DCUN1D4: variants seen among roughly 807,000 people sequenced by gnomAD.
The protein encoded by DCUN1D4 is DCN1-like protein 4.
A neutral mutation model predicts 47.9 loss-of-function variants in DCUN1D4; 22 were observed. The observed-to-expected ratio is 0.46, with a 90% CI of 0.33 to 0.66. The LOEUF (loss-of-function observed/expected upper bound fraction) is 0.66. Ranked by LOEUF, DCUN1D4 falls within the 30% of genes least tolerant of loss-of-function variation. The pLI is 0.02. For missense variants in DCUN1D4, 301 were observed against 340.8 expected, an observed-to-expected ratio of 0.88 and a Z score of 0.92; for synonymous variants, 121 against 112.2, an observed-to-expected ratio of 1.08 and a Z score of -0.50.
chr4:51,845,279 G>A lies in DCUN1D4; in HGVS notation c.25+2012G>A, dbSNP rs1163928327. 8 of 985,138 alleles carry A rather than the reference G, an allele frequency of 8.1e-6. No homozygotes were observed. The South Asian group carries it at 3.3e-4, about 40-fold the overall frequency. 61.0% of individuals were successfully genotyped at this position (985,138 alleles called of 1,614,324 possible). ...CCCTTGTAACGATAATATAAACTAT[G>A]TGTTGGTATTTCTTGGGGTGTTTGA... On this transcript the variant is annotated intron_variant, in intron 1 of 10. Transcript: ENST00000334635.
chr4:51,846,892 G>A (rs554084866), intron 1 of DCUN1D4, among the ~76,000 whole-genome samples: 15 of 152,280 alleles, frequency 9.9e-5, no homozygotes, highest in South Asian at 2.1e-4. Context: ...TATGGTTGCC[G>A]TAGCACCAGA....
intron 1 of DCUN1D4, among the ~76,000 whole-genome samples, chr4:51,855,874 G>A (rs540761575): frequency 3.4e-4 from 52 of 152,142 alleles, no homozygotes; most frequent in Non-Finnish European, 6.3e-4. Context: ...GTTTCTAGAA[G>A]GAAGGAAACA....
At chr4:51,849,013 C>G (rs1484209112) in intron 1 of DCUN1D4, among the ~76,000 whole-genome samples, 1 of 152,034 alleles carries the variant, frequency 6.6e-6, no homozygotes, top group Admixed American at 6.6e-5. Context: ...GGGGAGTAAT[C>G]CATTTGTGCT....
At chr4:51,853,593 G>GAT (rs1723683381) in intron 1 of DCUN1D4, among the ~76,000 whole-genome samples, 1 of 152,188 alleles carries the variant, frequency 6.6e-6, no homozygotes, top group Non-Finnish European at 1.5e-5. Flanking sequence ...GAGAGTCAGG[G>GAT]ATAGAATCTA....
chr4:51,899,251 CT>C lies in DCUN1D4; in HGVS notation c.507-16del. On this transcript the variant is annotated intron_variant, in intron 7 of 10. Coordinates refer to ENST00000334635, the MANE Select transcript of DCUN1D4 (RefSeq NM_001040402.3). ...TAAATGAACTCAGGTCATAATTTGC[CT>C]TTATTCTGTTTTTCTAGATGTGATA... 1 of 1,576,476 alleles carries C rather than the reference CT, an allele frequency of 6.3e-7. No individual in the cohort carries two copies. Among genetic ancestry groups the C allele is most frequent in the Non-Finnish European group, 8.6e-7 (1 of 1,166,054 alleles).
At chr4:51,910,406 G>A (rs952889155) in intron 8 of DCUN1D4, among the ~76,000 whole-genome samples, 7 of 152,090 alleles carry the variant, frequency 4.6e-5, no homozygotes, top group Non-Finnish European at 1.0e-4. Context: ...CTAGTTAGGA[G>A]TATTTTACTA....
rs148923494 is a variant in DCUN1D4 at position 51,886,257 on chromosome 4, C to T, written c.344-311C>T. Among the ~76,000 whole-genome samples, 12 of 151,830 alleles carry T rather than the reference C, an allele frequency of 7.9e-5. No individual in the cohort carries two copies. In the East Asian group the frequency reaches 2.3e-3, roughly 29 times the overall value. On this transcript the variant is annotated intron_variant, in intron 5 of 10. Coordinates refer to ENST00000334635, the MANE Select transcript of DCUN1D4 (RefSeq NM_001040402.3). Reference sequence around the variant, plus strand: ...TTATTTTATGTATTGAAATTATTACCCAAGTAAGAGTAGAACATTAAGCTG... The same window carrying T: ...TTATTTTATGTATTGAAATTATTACTCAAGTAAGAGTAGAACATTAAGCTG...
chr4:51,906,715 T>C (rs1410206244), intron 8 of DCUN1D4, among the ~76,000 whole-genome samples: 1 of 152,252 alleles, frequency 6.6e-6, no homozygotes, highest in East Asian at 1.9e-4. Flanking sequence ...AGTTTTATCC[T>C]TAAGATTCCT....
intron 1 of DCUN1D4, among the ~76,000 whole-genome samples, chr4:51,861,705 G>T (rs975270652): frequency 1.3e-5 from 2 of 151,920 alleles, no homozygotes; most frequent in African/African-American, 2.4e-5. Context: ...TTTTTTTGGG[G>T]GCCCAAGAGT....
intron 1 of DCUN1D4, among the ~76,000 whole-genome samples, chr4:51,860,070 A>G (rs933711925): frequency 6.6e-6 from 1 of 152,084 alleles, no homozygotes; most frequent in African/African-American, 2.4e-5. Flanking sequence ...TGTAAATCCA[A>G]TGTGTGTTAA....
chr4:51,841,993 G>A (rs1027635921), upstream of DCUN1D4, among the ~76,000 whole-genome samples: 2 of 115,976 alleles, frequency 1.7e-5, no homozygotes, highest in African/African-American at 6.6e-5. Context: ...GGGGTGGGTT[G>A]GGGTGGGGGG....
chr4:51,869,230 AG>A, intron 3 of DCUN1D4, among the ~76,000 whole-genome samples: 1 of 152,032 alleles, frequency 6.6e-6, no homozygotes, highest in East Asian at 1.9e-4. Context: ...ATTTAGAGAG[AG>A]GAAAAAATTC....
Position 51,877,958 on chromosome 4 carries a change from T to A in DCUN1D4, c.343+104T>A, listed in dbSNP as rs1560484945. ...AATGTGTACATTTCAAATTTGGGTGTGTGTGTGTGTGTGTCCCTGTTAGAG... is the reference window on the plus strand; with the variant it reads ...AATGTGTACATTTCAAATTTGGGTGAGTGTGTGTGTGTGTCCCTGTTAGAG... On this transcript the variant is annotated intron_variant, in intron 5 of 10. Transcript: ENST00000334635. The A allele has an allele frequency of 2.0e-5, 12 of 603,042 alleles. No individual in the cohort carries two copies. The East Asian group carries it at 3.7e-4, about 19-fold the overall frequency. 37.4% of individuals were successfully genotyped at this position (603,042 alleles called of 1,614,324 possible).
chr4:51,901,890 C>T (rs1456675556), intron 8 of DCUN1D4, among the ~76,000 whole-genome samples: 1 of 152,178 alleles, frequency 6.6e-6, no homozygotes, highest in Non-Finnish European at 1.5e-5. Context: ...CGGATAGATT[C>T]AGTTTAGCTA....
rs181168836 is a variant in DCUN1D4 at position 51,863,296 on chromosome 4, T to C, written c.26-141T>C. The C allele has an allele frequency of 4.3e-3, 2,928 of 686,722 alleles. 42 individuals carry two copies. Among genetic ancestry groups the C allele is most frequent in the South Asian group, 0.028 (1,621 of 57,524 alleles). The allele number at this position is 686,722 out of a possible 1,614,324, so 42.5% of individuals were successfully genotyped here. On this transcript the variant is annotated intron_variant, in intron 1 of 10. Coordinates refer to ENST00000334635, the MANE Select transcript of DCUN1D4 (RefSeq NM_001040402.3). ...CAGACTATTTCTAGGAGGTCACTAA[T>C]TGCATGTTTTTAAAAAACTTTAGTG...
chr4:51,888,724 CAA>C (rs71193044), intron 6 of DCUN1D4, among the ~76,000 whole-genome samples: 7 of 81,270 alleles, frequency 8.6e-5, no homozygotes, highest in Middle Eastern at 0.01. Context: ...ACTCCATCTC[CAA>C]AAAAAAAAAA....
At chr4:51,874,196 C>A in intron 3 of DCUN1D4, 75 bp from the exon 4 acceptor site, 1 of 852,866 alleles carries the variant, frequency 1.2e-6, no homozygotes, top group Non-Finnish European at 1.8e-6. Context: ...TTTAAATTAG[C>A]AGTACTGTTC....
At position 51,874,308 on chromosome 4, in the gene DCUN1D4, TAA is replaced by T; in HGVS notation, c.176_177del (p.Lys59SerfsTer15). ...RSCSSSDCFN[K>X]VMPPRKKRRP... ...CTTGCAGTTCTTCAGACTGCTTTAA[TAA>T]AGTGATGCCACCAAGGAAAAAGAGA... On this transcript the variant is annotated frameshift_variant, in exon 4 of 11. Coordinates refer to ENST00000334635, the MANE Select transcript of DCUN1D4 (RefSeq NM_001040402.3). LOFTEE classifies it high-confidence loss of function. 6.2e-7 allele frequency: 1 copy of T among 1,613,562 alleles called. No homozygotes were observed. The highest frequency in any genetic ancestry group is 8.5e-7 in the Non-Finnish European group (1 of 1,179,856).
At chr4:51,842,797 G>C (rs984260281), upstream of DCUN1D4, among the ~76,000 whole-genome samples, 4 of 152,218 alleles carry the variant, frequency 2.6e-5, no homozygotes, top group Admixed American at 6.5e-5. Flanking sequence ...ATCTTTCTTG[G>C]TGGGTCTCCA....
Sources: allele counts gnomAD v4.1 joint callset (sites outside exome capture counted in the v4.1 genomes callset), GRCh38; gene constraint gnomAD v4.1.1; transcripts MANE v1.5; gene names NCBI Gene and HGNC (gene_info 2026-07-23, HGNC 2026-07-21).